TSPAN5: variants seen among roughly 807,000 people sequenced by gnomAD.
The protein encoded by TSPAN5 is tetraspanin-5.
Under a neutral mutation model 37.1 loss-of-function variants are expected in TSPAN5, and 10 were observed. The ratio of observed to expected loss-of-function variants is 0.27; its 90% CI spans 0.17 to 0.46. The LOEUF (loss-of-function observed/expected upper bound fraction) is 0.46. Among genes scored for constraint, TSPAN5 ranks in the 20% least tolerant of loss-of-function variants. The pLI, the probability that TSPAN5 is intolerant of heterozygous loss-of-function variation, is 1.00. For missense variants in TSPAN5, 195 were observed against 326.6 expected (o/e 0.60, Z 3.11); for synonymous variants, 110 against 118.9 (o/e 0.93, Z 0.48).
chr4:98,609,675 T>C (rs1276110430), intron 1 of TSPAN5, among the ~76,000 whole-genome samples: 6 of 152,160 alleles, frequency 3.9e-5, no homozygotes, highest in Non-Finnish European at 8.8e-5. Context: ...CTCTGGGTGC[T>C]TAATTACTCT....
At position 98,658,345 on chromosome 4, in the gene TSPAN5, C is replaced by G; in HGVS notation, c.-119G>C. ...AGGGACACCGCACGGGGCCGCGGCGCTGGCGGCCTGGGCTCAGCCGCGCGG... is the reference window on the plus strand; with the variant it reads ...AGGGACACCGCACGGGGCCGCGGCGGTGGCGGCCTGGGCTCAGCCGCGCGG... On this transcript the variant is annotated 5_prime_UTR_variant, in exon 1 of 8. Transcript: ENST00000305798. The G allele has an allele frequency of 1.2e-6, 1 of 813,924 alleles. No homozygotes were observed. The highest frequency in any genetic ancestry group is 1.5e-5 in the South Asian group (1 of 66,198). The allele number at this position is 813,924 out of a possible 1,614,324, so 50.4% of individuals were successfully genotyped here. A position where few individuals can be genotyped will look rare whatever the true frequency, so the allele number is the denominator to read the frequency against.
chr4:98,615,484 G>A (rs755490579), intron 1 of TSPAN5, among the ~76,000 whole-genome samples: 4 of 152,062 alleles, frequency 2.6e-5, no homozygotes, highest in Non-Finnish European at 5.9e-5. Context: ...AGAGATTTCC[G>A]AACAATGCTT....
chr4:98,554,353 A>G (rs550413635), intron 1 of TSPAN5, among the ~76,000 whole-genome samples: 131 of 152,316 alleles, frequency 8.6e-4, no homozygotes, highest in Non-Finnish European at 1.7e-3. Flanking sequence ...CTGATTCCAA[A>G]GCCCTGCAAT....
At chr4:98,498,490 A>C (rs1159008739) in intron 2 of TSPAN5, among the ~76,000 whole-genome samples, 1 of 152,180 alleles carries the variant, frequency 6.6e-6, no homozygotes, top group Non-Finnish European at 1.5e-5. Flanking sequence ...GTAGGAGACA[A>C]GACCTCCCAA....
intron 2 of TSPAN5, among the ~76,000 whole-genome samples, chr4:98,504,070 G>A (rs1045959168): frequency 6.6e-6 from 1 of 152,168 alleles, no homozygotes; most frequent in Non-Finnish European, 1.5e-5. Flanking sequence ...TTAAAACTCA[G>A]ACTGATATTA....
At chr4:98,561,743 C>T (rs1754886980) in intron 1 of TSPAN5, among the ~76,000 whole-genome samples, 1 of 152,226 alleles carries the variant, frequency 6.6e-6, no homozygotes, top group Non-Finnish European at 1.5e-5. Context: ...CATTTAGAAG[C>T]ATCTGTTATG....
intron 2 of TSPAN5, 138 bp from the exon 3 acceptor site, chr4:98,487,022 T>C (rs1752977660): frequency 3.1e-6 from 2 of 649,452 alleles, no homozygotes; most frequent in South Asian, 5.7e-5. Context: ...ATGTGATTAA[T>C]ACTTAAGAGA....
intron 1 of TSPAN5, among the ~76,000 whole-genome samples, chr4:98,647,878 AAG>A (rs2110286887): frequency 6.6e-6 from 1 of 152,142 alleles, no homozygotes; most frequent in African/African-American, 2.4e-5. Context: ...AAAAAAAAAA[AAG>A]GAGTGGTGTT....
intron 1 of TSPAN5, among the ~76,000 whole-genome samples, chr4:98,638,660 A>C (rs1756906218): frequency 6.6e-6 from 1 of 152,232 alleles, no homozygotes. Flanking sequence ...ACCACCCTAC[A>C]GGAACCTCCA....
At chr4:98,495,547 A>G (rs1753187973) in intron 2 of TSPAN5, among the ~76,000 whole-genome samples, 1 of 151,722 alleles carries the variant, frequency 6.6e-6, no homozygotes, top group African/African-American at 2.4e-5. Context: ...AAAAAAAAAA[A>G]AAAAGGACAA....
intron 1 of TSPAN5, among the ~76,000 whole-genome samples, chr4:98,610,626 G>A (rs141260599): frequency 4.6e-5 from 7 of 152,276 alleles, no homozygotes; most frequent in South Asian, 4.1e-4. Flanking sequence ...CGTATCTGTC[G>A]AGTGAATGAA....
chr4:98,519,158 G>A (rs544088398), intron 1 of TSPAN5, among the ~76,000 whole-genome samples: 1 of 152,210 alleles, frequency 6.6e-6, no homozygotes, highest in South Asian at 2.1e-4. Flanking sequence ...AGACTCTATG[G>A]ACTCAGTGGC....
intron 1 of TSPAN5, among the ~76,000 whole-genome samples, chr4:98,589,132 G>A (rs901092042): frequency 1.3e-5 from 2 of 152,162 alleles, no homozygotes; most frequent in African/African-American, 4.8e-5. Flanking sequence ...CTCTACGTGT[G>A]AAGAAAGTTC....
intron 1 of TSPAN5, among the ~76,000 whole-genome samples, chr4:98,621,360 G>C (rs958926699): frequency 7.3e-6 from 1 of 136,374 alleles, no homozygotes; most frequent in African/African-American, 2.8e-5. Context: ...GAACCAATAT[G>C]TCACTTTTTT....
At chr4:98,541,687 A>G (rs1450981257) in intron 1 of TSPAN5, among the ~76,000 whole-genome samples, 1 of 118,942 alleles carries the variant, frequency 8.4e-6, no homozygotes, top group Non-Finnish European at 1.9e-5. Context: ...AAAAAAAAAA[A>G]AAAAAAAAGA....
intron 1 of TSPAN5, among the ~76,000 whole-genome samples, chr4:98,544,341 A>G (rs1754423257): frequency 1.3e-5 from 2 of 152,234 alleles, no homozygotes; most frequent in South Asian, 2.1e-4. Context: ...TGGCAGACAC[A>G]CTTCACCATC....
At chr4:98,577,228 C>T (rs558753223) in intron 1 of TSPAN5, among the ~76,000 whole-genome samples, 2 of 152,146 alleles carry the variant, frequency 1.3e-5, no homozygotes, top group South Asian at 4.1e-4. Flanking sequence ...AGAAGCAGTG[C>T]CATCCCTACT....
intron 1 of TSPAN5, among the ~76,000 whole-genome samples, chr4:98,584,434 C>T (rs1004200873): frequency 6.6e-6 from 1 of 152,136 alleles, no homozygotes; most frequent in East Asian, 1.9e-4. Flanking sequence ...ACTCTGTTTC[C>T]CAAGCATGTT....
chr4:98,612,184 G>C (rs1284962599), intron 1 of TSPAN5, among the ~76,000 whole-genome samples: 1 of 152,158 alleles, frequency 6.6e-6, no homozygotes, highest in Non-Finnish European at 1.5e-5. Flanking sequence ...TCCATCTGAA[G>C]AGATGAGAAG....
Sources: allele counts gnomAD v4.1 joint callset (sites outside exome capture counted in the v4.1 genomes callset), GRCh38; gene constraint gnomAD v4.1.1; transcripts MANE v1.5; gene names NCBI Gene and HGNC (gene_info 2026-07-23, HGNC 2026-07-21).